Variants in CNTN5 observed in about 807,000 individuals in gnomAD.
The protein encoded by CNTN5 is contactin-5.
CNTN5 carries 77 observed loss-of-function variants against 129.1 expected under a neutral mutation model. That is an observed-to-expected ratio of 0.60 (90% CI 0.50 to 0.72). CNTN5 has a LOEUF of 0.72. Ranked by LOEUF, CNTN5 falls within the 30% of genes least tolerant of loss-of-function variation. The pLI, the probability that CNTN5 is intolerant of heterozygous loss-of-function variation, is 0.00. For synonymous variants in CNTN5, 509 were observed against 465.6 expected, an observed-to-expected ratio of 1.09 and a Z score of -1.20; for missense variants, 1,478 against 1,328.8, an observed-to-expected ratio of 1.11 and a Z score of -1.75.
At chr11:100,254,795 A>G (rs1465935402) in intron 16 of CNTN5, among the ~76,000 whole-genome samples, 2 of 152,186 alleles carry the variant, frequency 1.3e-5, no homozygotes, top group Non-Finnish European at 2.9e-5. Context: ...GTACATAAAG[A>G]CCAACTCAGA....
At chr11:99,729,097 A>G (rs1428138402) in intron 3 of CNTN5, among the ~76,000 whole-genome samples, 3 of 152,162 alleles carry the variant, frequency 2.0e-5, no homozygotes, top group African/African-American at 7.2e-5. Flanking sequence ...AAGAATCTCT[A>G]TTGCAGTAGA....
intron 1 of CNTN5, among the ~76,000 whole-genome samples, chr11:99,104,926 G>A (rs1054571161): frequency 6.6e-6 from 1 of 152,100 alleles, no homozygotes; most frequent in African/African-American, 2.4e-5. Flanking sequence ...GACAAGATTA[G>A]TACCATTACT....
intron 9 of CNTN5, among the ~76,000 whole-genome samples, chr11:100,029,503 AAC>A (rs1285183654): frequency 1.3e-5 from 2 of 152,150 alleles, no homozygotes; most frequent in Non-Finnish European, 2.9e-5. Flanking sequence ...GAATGGCGTG[AAC>A]CCAGGAGGTG....
At chr11:99,190,627 G>A (rs768245949) in intron 1 of CNTN5, among the ~76,000 whole-genome samples, 1 of 151,224 alleles carries the variant, frequency 6.6e-6, no homozygotes, top group Non-Finnish European at 1.5e-5. Context: ...TCATGCCTGA[G>A]TATTTGATTT....
At chr11:99,356,282 T>A (rs1157379838) in intron 2 of CNTN5, among the ~76,000 whole-genome samples, 1 of 152,192 alleles carries the variant, frequency 6.6e-6, no homozygotes, top group Non-Finnish European at 1.5e-5. Flanking sequence ...ACAAATCATA[T>A]GTGACCATGT....
chr11:99,839,821 C>G (rs1019697931), intron 4 of CNTN5, among the ~76,000 whole-genome samples: 12 of 151,770 alleles, frequency 7.9e-5, no homozygotes, highest in African/African-American at 2.9e-4. Flanking sequence ...TCAACAAAGT[C>G]AAACAAAAAA....
At chr11:99,563,639 T>G (rs1051669983) in intron 3 of CNTN5, among the ~76,000 whole-genome samples, 4 of 152,182 alleles carry the variant, frequency 2.6e-5, no homozygotes, top group Non-Finnish European at 5.9e-5. Flanking sequence ...AGCCTCAGTT[T>G]ATCTCTGCAG....
chr11:99,532,425 A>C (rs185569544), intron 2 of CNTN5, among the ~76,000 whole-genome samples: 74 of 152,216 alleles, frequency 4.9e-4, no homozygotes, highest in African/African-American at 1.6e-3. Context: ...TTACTGCCGA[A>C]ATGAGTTAAG....
chr11:100,309,759 T>C (rs1951433205), intron 21 of CNTN5: 1 of 958,742 alleles, frequency 1.0e-6, no homozygotes, highest in Non-Finnish European at 1.2e-6. Context: ...ACTGTGGTGG[T>C]TTGTCCAGTT....
At chr11:99,326,778 G>T (rs933857085) in intron 2 of CNTN5, among the ~76,000 whole-genome samples, 1 of 152,072 alleles carries the variant, frequency 6.6e-6, no homozygotes, top group Non-Finnish European at 1.5e-5. Flanking sequence ...GGAAGGGGAA[G>T]TATCTAACAG....
rs554320488 is a variant in CNTN5 at position 99,785,098 on chromosome 11, C to A, written c.56-34446C>A. Among the ~76,000 whole-genome samples the A allele has an allele frequency of 7.2e-5, 11 of 152,174 alleles. No homozygotes were observed. In the East Asian group the frequency reaches 1.9e-3, roughly 27 times the overall value. ...CCTCCCAAAGTGCTGGGATTACAGGCGTGAGCCACCGCACCCTGCCCTTAT... is the reference window on the plus strand; with the variant it reads ...CCTCCCAAAGTGCTGGGATTACAGGAGTGAGCCACCGCACCCTGCCCTTAT... On this transcript the variant is annotated intron_variant, in intron 3 of 24. Coordinates refer to ENST00000524871, the MANE Select transcript of CNTN5 (RefSeq NM_014361.4).
At chr11:99,923,337 G>A (rs755196756) in intron 7 of CNTN5, among the ~76,000 whole-genome samples, 5 of 151,986 alleles carry the variant, frequency 3.3e-5, no homozygotes, top group South Asian at 2.1e-4. Context: ...GCCAAAAAAC[G>A]TGTTTTTCAG....
chr11:99,270,396 T>G (rs2135854340), intron 1 of CNTN5, among the ~76,000 whole-genome samples: 1 of 152,016 alleles, frequency 6.6e-6, no homozygotes, highest in East Asian at 1.9e-4. Flanking sequence ...TCATGAATAA[T>G]AATTTTTCCA....
intron 1 of CNTN5, among the ~76,000 whole-genome samples, chr11:99,080,662 A>G (rs1302173035): frequency 2.0e-5 from 3 of 152,202 alleles, no homozygotes; most frequent in Non-Finnish European, 4.4e-5. Context: ...AATGGGATTA[A>G]TATAACTAAT....
chr11:100,182,532 T>C (rs902653797), intron 13 of CNTN5, among the ~76,000 whole-genome samples: 16 of 152,058 alleles, frequency 1.1e-4, no homozygotes, highest in Non-Finnish European at 1.9e-4. Flanking sequence ...GAGGCAGACA[T>C]AAACATCCAG....
At chr11:99,039,603 A>T (rs1021645448) in intron 1 of CNTN5, among the ~76,000 whole-genome samples, 1 of 152,158 alleles carries the variant, frequency 6.6e-6, no homozygotes, top group Admixed American at 6.6e-5. Context: ...TGCTAGCTGG[A>T]GTCACGTACA....
intron 1 of CNTN5, among the ~76,000 whole-genome samples, chr11:99,079,441 A>C (rs1010861067): frequency 1.3e-5 from 2 of 152,312 alleles, no homozygotes; most frequent in African/African-American, 4.8e-5. Flanking sequence ...AATGACCATG[A>C]TATCTATCCT....
At chr11:99,579,266 T>C (rs948122129) in intron 3 of CNTN5, among the ~76,000 whole-genome samples, 1 of 151,310 alleles carries the variant, frequency 6.6e-6, no homozygotes, top group Non-Finnish European at 1.5e-5. Flanking sequence ...GGTAGCGTGA[T>C]GCCTCCAGCT....
At chr11:100,036,948 A>G (rs1295254282) in intron 9 of CNTN5, among the ~76,000 whole-genome samples, 3 of 149,870 alleles carry the variant, frequency 2.0e-5, no homozygotes, top group East Asian at 3.9e-4. Context: ...TTCCTAATTG[A>G]AGACCCTTTA....
Sources: allele counts gnomAD v4.1 joint callset (sites outside exome capture counted in the v4.1 genomes callset), GRCh38; gene constraint gnomAD v4.1.1; transcripts MANE v1.5; gene names NCBI Gene and HGNC (gene_info 2026-07-23, HGNC 2026-07-21).